Variants in MPRIP observed in about 807,000 individuals in gnomAD.
The protein encoded by MPRIP is myosin phosphatase Rho interacting protein, also known as myosin phosphatase Rho-interacting protein.
A neutral mutation model predicts 234.9 loss-of-function variants in MPRIP; 59 were observed. The ratio of observed to expected loss-of-function variants is 0.25; its 90% CI spans 0.20 to 0.31. The LOEUF is 0.31. Among genes scored for constraint, MPRIP ranks in the 10% least tolerant of loss-of-function variants. The probability of loss-of-function intolerance (pLI) is 1.00; values close to 1 mark genes in which losing one functional copy is unlikely to be tolerated. For synonymous variants in MPRIP, 1,144 were observed against 1,263.9 expected, an observed-to-expected ratio of 0.91 and a Z score of 2.01; for missense variants, 2,436 against 3,071.0, an observed-to-expected ratio of 0.79 and a Z score of 4.89.
intron 1 of MPRIP, among the ~76,000 whole-genome samples, chr17:17,060,658 T>C (rs2088841808): frequency 6.6e-6 from 1 of 152,206 alleles, no homozygotes; most frequent in Non-Finnish European, 1.5e-5. Flanking sequence ...CTGGGATGTA[T>C]GTCCTCCCTG....
At chr17:17,121,493 G>A (rs951980229) in intron 3 of MPRIP, among the ~76,000 whole-genome samples, 5 of 76,680 alleles carry the variant, frequency 6.5e-5, no homozygotes, top group African/African-American at 1.2e-4. Flanking sequence ...TTCAGTGAGA[G>A]GACACGGGAA....
At chr17:17,094,860 C>T (rs2144171591) in intron 3 of MPRIP, among the ~76,000 whole-genome samples, 1 of 152,224 alleles carries the variant, frequency 6.6e-6, no homozygotes, top group East Asian at 1.9e-4. Context: ...AATCTGCCCA[C>T]CTTGGCCTCC....
At chr17:17,168,414 C>T in intron 16 of MPRIP, 1 of 251,970 alleles carries the variant, frequency 4.0e-6, no homozygotes, top group Non-Finnish European at 7.8e-6. Context: ...CACAGTCGGG[C>T]GGAGGGTCCC....
chr17:17,122,332 GTTGTTTTT>G (rs929054095), intron 3 of MPRIP, among the ~76,000 whole-genome samples: 1 of 151,892 alleles, frequency 6.6e-6, no homozygotes, highest in Non-Finnish European at 1.5e-5. Flanking sequence ...TTTTCATTTT[GTTGTTTTT>G]TTGTTTATTT....
At chr17:17,065,525 A>G (rs2088997697) in intron 1 of MPRIP, among the ~76,000 whole-genome samples, 1 of 151,958 alleles carries the variant, frequency 6.6e-6, no homozygotes, top group Non-Finnish European at 1.5e-5. Flanking sequence ...CTACTGTTCC[A>G]TTGATCCATG....
chr17:17,046,145 T>C (rs1273300463), intron 1 of MPRIP, among the ~76,000 whole-genome samples: 2 of 152,256 alleles, frequency 1.3e-5, no homozygotes, highest in African/African-American at 4.8e-5. Context: ...ACTGTGTGCA[T>C]GTATTTGCTC....
chr17:17,156,108 G>T (rs1172995563), intron 13 of MPRIP, among the ~76,000 whole-genome samples: 2 of 152,232 alleles, frequency 1.3e-5, no homozygotes, highest in Non-Finnish European at 2.9e-5. Flanking sequence ...TCCCAGCCAG[G>T]CCTGGGCTCG....
chr17:17,149,728 T>C (rs2045556550), intron 11 of MPRIP: 1 of 103,420 alleles, frequency 9.7e-6, no homozygotes, highest in African/African-American at 2.5e-5. Flanking sequence ...TTTAAATGTA[T>C]AAAATATATT....
intron 3 of MPRIP, among the ~76,000 whole-genome samples, chr17:17,103,589 C>G (rs979056827): frequency 6.6e-6 from 1 of 152,190 alleles, no homozygotes; most frequent in South Asian, 2.1e-4. Flanking sequence ...AAAAAAACTG[C>G]CCCTTCCCAG....
In MPRIP at chr17:17,166,857, C is replaced by A; in HGVS notation, c.5266C>A (p.Arg1756=). 7.7e-7 allele frequency: 1 copy of A among 1,304,148 alleles called. No homozygotes were observed. The highest frequency in any genetic ancestry group is 1.2e-5 in the South Asian group (1 of 81,030). The allele number at this position is 1,304,148 out of a possible 1,614,324, so 80.8% of individuals were successfully genotyped here. ...DLSPLGEVLG[R]DSDSSQEPFD... ...GAGCCCCTTAGGAGAAGTCCTGGGC[C>A]GAGACTCAGACAGCTCTCAGGAGCC... Residue 1756 remains arginine (R), a synonymous_variant, in exon 16 of 24, where the codon CGA becomes AGA. Coordinates refer to ENST00000651222, the MANE Select transcript of MPRIP (RefSeq NM_001364716.4). This position sits in a 1 kb window ranked among gnomAD's most constrained non-coding sequence, Gnocchi z 4.4.
At chr17:17,176,964 C>T (rs1327745610) in intron 21 of MPRIP, among the ~76,000 whole-genome samples, 5 of 152,194 alleles carry the variant, frequency 3.3e-5, no homozygotes, top group African/African-American at 1.2e-4. Context: ...GGGGCCTGGG[C>T]ACTCAGGGCC....
intron 17 of MPRIP, among the ~76,000 whole-genome samples, chr17:17,172,212 A>C (rs1212457802): frequency 6.6e-6 from 1 of 152,222 alleles, no homozygotes; most frequent in South Asian, 2.1e-4. Flanking sequence ...ACGTGGGACC[A>C]CCTCTGGCCA....
chr17:17,172,158 G>T (rs1240215829), intron 17 of MPRIP, among the ~76,000 whole-genome samples: 1 of 152,244 alleles, frequency 6.6e-6, no homozygotes, highest in African/African-American at 2.4e-5. Context: ...AGACTGACCA[G>T]TGTCAGTCCA....
Position 17,165,592 on chromosome 17 carries a change from A to G in MPRIP, c.4001A>G (p.His1334Arg), listed in dbSNP as rs1323826597. 76 of 1,304,556 alleles carry G rather than the reference A, an allele frequency of 5.8e-5. 1 individual carries two copies. The highest frequency in any genetic ancestry group is 7.2e-5 in the Non-Finnish European group (71 of 989,052). The allele number at this position is 1,304,556 out of a possible 1,614,324, so 80.8% of individuals were successfully genotyped here. ...ACAATCCAGTGCCAAAGATACATTC[A>G]CCCCGAAGGGTCTGAGAAGACCTGG... is the stretch of plus-strand genomic sequence containing the variant. ...FSTIQCQRYI[H>R]PEGSEKTWTS... The change falls in exon 16 of 24, where the codon CAC (histidine) becomes CGC (arginine). Residue 1334 changes from histidine to arginine, a missense_variant. This residue lies in a region of MPRIP where 1,998 missense variants were observed against 2,520.3 expected (regional missense o/e 0.79). Transcript: ENST00000651222.
chr17:17,152,046 C>T (rs934583991), intron 12 of MPRIP, among the ~76,000 whole-genome samples: 7 of 152,248 alleles, frequency 4.6e-5, no homozygotes, highest in Non-Finnish European at 1.0e-4. Flanking sequence ...AGTATAGACC[C>T]AAAGGCCAGT....
In MPRIP at chr17:17,150,186, G is replaced by C. The variant is rs144918812; in HGVS notation, c.1672G>C (p.Asp558His). The C allele has an allele frequency of 2.5e-6, 4 of 1,613,576 alleles. No individual in the cohort carries two copies. In the African/African-American group the frequency reaches 5.3e-5, roughly 22 times the overall value. The part of the protein sequence containing the change: ...DGEIDLSACY[D>H]VTEYPVQRNY... ...AGAAATTGACTTGTCCGCATGTTAC[G>C]ATGTCACAGAGTATCCAGTTCAGAG... The change falls in exon 12 of 24, where the codon GAT becomes CAT. Residue 558 changes from aspartate (D) to histidine (H), a missense_variant. Asp to His is a moderately conservative substitution (Grantham distance 81). Transcript: ENST00000651222.
At chr17:17,150,278 G>A in intron 12 of MPRIP, 45 bp downstream of exon 12, 2 of 1,421,666 alleles carry the variant, frequency 1.4e-6, no homozygotes, top group Non-Finnish European at 2.0e-6. Flanking sequence ...GACAGGCAGG[G>A]ATGCATGTCA....
intron 3 of MPRIP, among the ~76,000 whole-genome samples, chr17:17,085,435 C>T (rs1039196508): frequency 7.9e-5 from 12 of 152,230 alleles, no homozygotes; most frequent in African/African-American, 2.4e-4. Flanking sequence ...ATCGCATTCC[C>T]GCGGGGTCCC....
Position 17,158,673 on chromosome 17 carries a change from C to T in MPRIP, c.2071C>T (p.Arg691Cys), listed in dbSNP as rs931029800. The part of the protein sequence containing the change: ...VGPADTHEPL[R>C]PEAEPGELER... ...GCCTGCTGACACCCACGAGCCCCTG[C>T]GCCCTGAGGCGGAGCCTGGGGAGCT... The change falls in exon 14 of 24, where the codon CGC becomes TGC. Residue 691 changes from arginine (R) to cysteine (C), a missense_variant. Around this residue, in one of 4 missense-constraint regions of MPRIP, gnomAD observed 1,998 missense variants for 2,520.3 expected, o/e 0.79. Coordinates refer to ENST00000651222, the MANE Select transcript of MPRIP (RefSeq NM_001364716.4). The T allele has an allele frequency of 7.5e-6, 12 of 1,606,584 alleles. No individual in the cohort carries two copies. Among genetic ancestry groups the T allele is most frequent in the South Asian group, 2.2e-5 (2 of 90,730 alleles).
Sources: gnomAD v4.1 joint callset for allele counts (sites outside exome capture counted in the v4.1 genomes callset) on GRCh38, gnomAD v4.1.1 for gene constraint, gnomAD v4.1.1 regional missense constraint, Gnocchi (gnomAD v3.1) non-coding constraint, MANE v1.5 for transcripts, NCBI Gene and HGNC (gene_info 2026-07-23, HGNC 2026-07-21) for gene names.